LPAR1: variants seen among roughly 807,000 people sequenced by gnomAD.
LPAR1 encodes lysophosphatidic acid receptor 1, also known as LPA receptor 1.
A neutral mutation model predicts 23.8 loss-of-function variants in LPAR1; 5 were observed. The ratio of observed to expected loss-of-function variants is 0.21; its 90% CI spans 0.11 to 0.44. LPAR1 has a LOEUF of 0.44. LPAR1 is among the 20% of genes least tolerant of loss of function. The pLI is 0.99. For missense variants in LPAR1, 311 were observed against 482.8 expected, an observed-to-expected ratio of 0.64 and a Z score of 3.33; for synonymous variants, 160 against 164.7, an observed-to-expected ratio of 0.97 and a Z score of 0.22.
intron 5 of LPAR1, among the ~76,000 whole-genome samples, chr9:110,936,177 A>G (rs191166763): frequency 6.6e-6 from 1 of 152,296 alleles, no homozygotes; most frequent in Non-Finnish European, 1.5e-5. Context: ...AGTCTCCTCT[A>G]CTACATCATA....
chr9:110,890,689 A>G (rs2083860595), intron 5 of LPAR1, among the ~76,000 whole-genome samples: 1 of 152,238 alleles, frequency 6.6e-6, no homozygotes, highest in Non-Finnish European at 1.5e-5. Context: ...TTTGAGAATA[A>G]CTGTATAGAC....
intron 2 of LPAR1, among the ~76,000 whole-genome samples, chr9:111,026,468 G>A (rs2097693842): frequency 6.6e-6 from 1 of 152,176 alleles, no homozygotes; most frequent in Non-Finnish European, 1.5e-5. Flanking sequence ...CATGTCATTT[G>A]CAAACAGAGA....
At chr9:110,971,581 G>A (rs1312837546) in intron 4 of LPAR1, among the ~76,000 whole-genome samples, 1 of 152,134 alleles carries the variant, frequency 6.6e-6, no homozygotes, top group Non-Finnish European at 1.5e-5. Context: ...TTGCTGCTCA[G>A]AAGTTTCTGG....
chr9:111,011,333 T>C (rs998456443), intron 2 of LPAR1, among the ~76,000 whole-genome samples: 1 of 152,218 alleles, frequency 6.6e-6, no homozygotes, highest in Admixed American at 6.5e-5. Context: ...CTTTAGTCAC[T>C]GCAGAATCTA....
chr9:110,886,364 C>A (rs1452038504), intron 5 of LPAR1, among the ~76,000 whole-genome samples: 68 of 112,774 alleles, frequency 6.0e-4, no homozygotes, highest in African/African-American at 7.2e-4. Flanking sequence ...AACTCCATCT[C>A]AAAAAAAAAA....
At chr9:110,901,964 C>A (rs2089269485) in intron 5 of LPAR1, among the ~76,000 whole-genome samples, 1 of 152,096 alleles carries the variant, frequency 6.6e-6, no homozygotes, top group Non-Finnish European at 1.5e-5. Context: ...GGTACAGATA[C>A]TTTTTCCCTG....
intron 4 of LPAR1, among the ~76,000 whole-genome samples, chr9:110,968,033 G>A (rs1427556272): frequency 6.6e-6 from 1 of 152,154 alleles, no homozygotes; most frequent in African/African-American, 2.4e-5. Context: ...CCCTGGTTAA[G>A]GTTAATTAAT....
chr9:110,964,152 T>G (rs549561222), intron 4 of LPAR1, among the ~76,000 whole-genome samples: 1 of 152,268 alleles, frequency 6.6e-6, no homozygotes, highest in African/African-American at 2.4e-5. Flanking sequence ...ATTCTTCAGT[T>G]GTGAAATATT....
At chr9:110,985,480 C>T (rs1316389749) in intron 2 of LPAR1, among the ~76,000 whole-genome samples, 2 of 152,026 alleles carry the variant, frequency 1.3e-5, no homozygotes, top group Non-Finnish European at 2.9e-5. Context: ...ACAACTAGCC[C>T]ATCCTGCGCA....
intron 2 of LPAR1, among the ~76,000 whole-genome samples, chr9:111,014,612 G>A (rs992090479): frequency 6.6e-6 from 1 of 152,128 alleles, no homozygotes; most frequent in Non-Finnish European, 1.5e-5. Context: ...GTCATGGCCT[G>A]AAGTGAGCCC....
chr9:111,025,206 C>G (rs1224494161), intron 2 of LPAR1, among the ~76,000 whole-genome samples: 1 of 152,214 alleles, frequency 6.6e-6, no homozygotes, highest in Non-Finnish European at 1.5e-5. Context: ...TCCTCTCCAG[C>G]ATCTGTTGAT....
chr9:110,903,001 A>G (rs985238405), intron 5 of LPAR1, among the ~76,000 whole-genome samples: 2 of 152,170 alleles, frequency 1.3e-5, no homozygotes, highest in African/African-American at 4.8e-5. Context: ...ACGGCCCACA[A>G]AATTAGGCCA....
At chr9:110,893,337 C>T (rs1436253634) in intron 5 of LPAR1, among the ~76,000 whole-genome samples, 1 of 152,114 alleles carries the variant, frequency 6.6e-6, no homozygotes, top group Non-Finnish European at 1.5e-5. Context: ...AAATTAGAAA[C>T]TATCTCAATA....
chr9:110,942,778 CTCCT>C (rs2095196640), intron 4 of LPAR1, among the ~76,000 whole-genome samples: 1 of 152,180 alleles, frequency 6.6e-6, no homozygotes, highest in Non-Finnish European at 1.5e-5. Context: ...ACCCCCACAA[CTCCT>C]TAAGTTCAGA....
At chr9:110,923,520 A>G (rs1263829830) in intron 5 of LPAR1, among the ~76,000 whole-genome samples, 1 of 152,194 alleles carries the variant, frequency 6.6e-6, no homozygotes, top group East Asian at 1.9e-4. Flanking sequence ...TGTTCTGAGC[A>G]TGTTTAAGGT....
intron 2 of LPAR1, among the ~76,000 whole-genome samples, chr9:110,998,428 G>A (rs561691479): frequency 1.3e-5 from 2 of 152,166 alleles, no homozygotes; most frequent in East Asian, 1.9e-4. Context: ...TTTCAGGAGA[G>A]AACTTTTGAA....
chr9:110,953,605 G>T (rs887348018), intron 4 of LPAR1, among the ~76,000 whole-genome samples: 1 of 151,808 alleles, frequency 6.6e-6, no homozygotes, highest in Non-Finnish European at 1.5e-5. Context: ...AGAGGTTGTG[G>T]TGAGCCAAGA....
chr9:111,009,623 G>T (rs2097288646), intron 2 of LPAR1, among the ~76,000 whole-genome samples: 2 of 151,694 alleles, frequency 1.3e-5, no homozygotes, highest in African/African-American at 4.8e-5. Flanking sequence ...TTTTCCAGGG[G>T]TTCTGAATTA....
chr9:110,954,755 C>A (rs1027523989), intron 4 of LPAR1, among the ~76,000 whole-genome samples: 4 of 152,126 alleles, frequency 2.6e-5, no homozygotes, highest in Admixed American at 6.5e-5. Flanking sequence ...CTATACCCAG[C>A]AAAGTTATCC....
Sources: allele counts gnomAD v4.1 joint callset (sites outside exome capture counted in the v4.1 genomes callset), GRCh38; gene constraint gnomAD v4.1.1; transcripts MANE v1.5; gene names NCBI Gene and HGNC (gene_info 2026-07-23, HGNC 2026-07-21).